Variants in PDE4D observed in about 807,000 individuals in gnomAD.
PDE4D encodes the protein phosphodiesterase 4D.
Under a neutral mutation model 87.4 loss-of-function variants are expected in PDE4D, and 24 were observed. The observed-to-expected ratio is 0.27, with a 90% confidence interval of 0.20 to 0.39. PDE4D has a LOEUF of 0.39. Ranked by LOEUF, PDE4D falls within the 10% of genes least tolerant of loss-of-function variation. PDE4D has a pLI of 1.00. For synonymous variants in PDE4D, 384 were observed against 383.2 expected (o/e 1.00, Z -0.02); for missense variants, 714 against 1,041.0 (o/e 0.69, Z 4.32).
At chr5:60,284,775 A>AGGAT (rs1362826603) in intron 1 of PDE4D, among the ~76,000 whole-genome samples, 1 of 152,090 alleles carries the variant, frequency 6.6e-6, no homozygotes, top group African/African-American at 2.4e-5. Context: ...TGACATATTC[A>AGGAT]GGATAGGTAG....
At chr5:59,499,881 C>CAA (rs201205880) in intron 1 of PDE4D, among the ~76,000 whole-genome samples, 24 of 137,452 alleles carry the variant, frequency 1.7e-4, no homozygotes, top group African/African-American at 3.8e-4. Flanking sequence ...TGAAAGTATT[C>CAA]AAAAAAAAAA....
rs1300787023 is a variant in PDE4D at position 59,337,365 on chromosome 5, G to A, written c.456-121397C>T. On this transcript the variant is annotated intron_variant, in intron 1 of 14. Coordinates refer to ENST00000340635, the MANE Select transcript of PDE4D (RefSeq NM_001104631.2). ...TTTTTTTTTTTTGACACGGAGTCTC[G>A]CTGTCGCCCAGGCTGGAGGGCAGTG... is the stretch of plus-strand genomic sequence containing the variant. Among the ~76,000 whole-genome samples the A allele has an allele frequency of 6.3e-5, 8 of 126,700 alleles. No homozygotes were observed. In the Admixed American group the frequency reaches 7.2e-4, roughly 11 times the overall value. The allele number at this position is 126,700 out of a possible 152,430, so 83.1% of individuals were successfully genotyped here. A position where few individuals can be genotyped will look rare whatever the true frequency, so the allele number is the denominator to read the frequency against.
chr5:59,823,414 A>C (rs898166987), intron 1 of PDE4D, among the ~76,000 whole-genome samples: 1 of 152,162 alleles, frequency 6.6e-6, no homozygotes, highest in African/African-American at 2.4e-5. Flanking sequence ...TGCCTGCAGA[A>C]TGCAAGAATG....
intron 1 of PDE4D, among the ~76,000 whole-genome samples, chr5:59,413,742 T>G (rs1401227619): frequency 6.6e-6 from 1 of 152,176 alleles, no homozygotes; most frequent in Non-Finnish European, 1.5e-5. Flanking sequence ...CTTCTATCAC[T>G]TTAAGAGTTG....
At chr5:59,656,847 A>G (rs1367196868) in intron 1 of PDE4D, among the ~76,000 whole-genome samples, 1 of 152,186 alleles carries the variant, frequency 6.6e-6, no homozygotes, top group Non-Finnish European at 1.5e-5. Context: ...GCAAATAATT[A>G]TTATTCATAA....
intron 1 of PDE4D, among the ~76,000 whole-genome samples, chr5:59,813,055 T>C (rs1005160960): frequency 2.0e-5 from 3 of 152,250 alleles, no homozygotes; most frequent in African/African-American, 7.2e-5. Context: ...TTTTTTCTCA[T>C]TTGTTTCTAA....
intron 1 of PDE4D, among the ~76,000 whole-genome samples, chr5:59,876,855 T>G (rs1056281640): frequency 6.6e-6 from 1 of 152,306 alleles, no homozygotes. Context: ...GGAAAATTAC[T>G]GTTGCATACT....
At chr5:60,102,390 C>A (rs1354396450) in intron 2 of PDE4D, among the ~76,000 whole-genome samples, 1 of 152,070 alleles carries the variant, frequency 6.6e-6, no homozygotes, top group Non-Finnish European at 1.5e-5. Context: ...AAGAAGAAAT[C>A]TTTCAAACAT....
intron 1 of PDE4D, among the ~76,000 whole-genome samples, chr5:60,348,272 C>CCTT (rs1386105201): frequency 1.3e-5 from 2 of 152,172 alleles, no homozygotes; most frequent in Admixed American, 1.3e-4. Context: ...TTCTATGATT[C>CCTT]CTTCTTCTTT....
intron 1 of PDE4D, among the ~76,000 whole-genome samples, chr5:59,670,718 G>A (rs760824035): frequency 1.3e-5 from 2 of 152,066 alleles, no homozygotes; most frequent in Non-Finnish European, 2.9e-5. Flanking sequence ...AATTTTTTGA[G>A]AGAAATGTAA....
At chr5:60,348,140 C>T (rs1758884738) in intron 1 of PDE4D, among the ~76,000 whole-genome samples, 1 of 152,062 alleles carries the variant, frequency 6.6e-6, no homozygotes, top group South Asian at 2.1e-4. Context: ...TGTCCCTTGG[C>T]CATGGGGAGA....
At chr5:60,306,089 CAT>C (rs1226146030) in intron 1 of PDE4D, among the ~76,000 whole-genome samples, 31 of 152,064 alleles carry the variant, frequency 2.0e-4, no homozygotes, top group African/African-American at 7.0e-4. Context: ...AGCTATAAAA[CAT>C]AGAAATTATA....
chr5:59,476,696 T>C (rs1466232971), intron 1 of PDE4D, among the ~76,000 whole-genome samples: 1 of 152,074 alleles, frequency 6.6e-6, no homozygotes, highest in Admixed American at 6.6e-5. Context: ...TTAATATAGA[T>C]TATGGTTATA....
intron 1 of PDE4D, among the ~76,000 whole-genome samples, chr5:59,274,008 G>A (rs981792362): frequency 6.6e-6 from 1 of 152,022 alleles, no homozygotes; most frequent in African/African-American, 2.4e-5. Flanking sequence ...CATAGGAATG[G>A]TATAAATTAT....
chr5:59,838,664 G>T (rs1394679666), intron 1 of PDE4D, among the ~76,000 whole-genome samples: 1 of 152,014 alleles, frequency 6.6e-6, no homozygotes, highest in African/African-American at 2.4e-5. Flanking sequence ...CGTCATGAAG[G>T]TAGTTAGATT....
chr5:59,040,366 C>G (rs55970459), intron 5 of PDE4D, among the ~76,000 whole-genome samples: 36,989 of 152,106 alleles, frequency 0.24, 5,186 homozygotes, highest in Middle Eastern at 0.32. Context: ...CTTAAAGGAA[C>G]AGCAATGTGA....
chr5:58,976,154 G>A (rs1416929884), intron 13 of PDE4D, among the ~76,000 whole-genome samples, 196 bp downstream of exon 13: 2 of 152,232 alleles, frequency 1.3e-5, no homozygotes, highest in East Asian at 3.9e-4. Flanking sequence ...AATTAATGTA[G>A]ATGCAAACAG....
chr5:59,413,952 A>G (rs1284173474), intron 1 of PDE4D, among the ~76,000 whole-genome samples: 4 of 152,232 alleles, frequency 2.6e-5, no homozygotes, highest in South Asian at 2.1e-4. Flanking sequence ...ACATATATAT[A>G]TCTGTGCATA....
chr5:60,011,723 A>G (rs1765036849), intron 2 of PDE4D, among the ~76,000 whole-genome samples: 1 of 152,192 alleles, frequency 6.6e-6, no homozygotes, highest in African/African-American at 2.4e-5. Context: ...GGCCATTTAC[A>G]GTAAAAGTAT....
Sources: gnomAD v4.1 joint callset for allele counts (sites outside exome capture counted in the v4.1 genomes callset) on GRCh38, gnomAD v4.1.1 for gene constraint, MANE v1.5 for transcripts, NCBI Gene and HGNC (gene_info 2026-07-23, HGNC 2026-07-21) for gene names.